Variants in ITGA9 observed in about 807,000 individuals in gnomAD.
The protein encoded by ITGA9 is integrin subunit alpha 9.
Under a neutral mutation model 127.8 loss-of-function variants are expected in ITGA9, and 56 were observed. That is an observed-to-expected ratio of 0.44 (90% CI 0.35 to 0.55). The LOEUF (loss-of-function observed/expected upper bound fraction) is 0.55, where lower values mean the gene tolerates loss of function less well. Ranked by LOEUF, ITGA9 falls within the 20% of genes least tolerant of loss-of-function variation. ITGA9 has a pLI of 0.00. For synonymous variants in ITGA9, 508 were observed against 514.5 expected (o/e 0.99, Z 0.17); for missense variants, 1,196 against 1,347.1 (o/e 0.89, Z 1.76).
intron 15 of ITGA9, among the ~76,000 whole-genome samples, chr3:37,577,606 T>G (rs1699666281): frequency 6.6e-6 from 1 of 152,244 alleles, no homozygotes; most frequent in African/African-American, 2.4e-5. Flanking sequence ...TTCTTTAATT[T>G]TGGAATAACC....
intron 15 of ITGA9, among the ~76,000 whole-genome samples, chr3:37,620,677 C>A (rs1453159676): frequency 6.6e-6 from 1 of 152,190 alleles, no homozygotes; most frequent in Non-Finnish European, 1.5e-5. Context: ...ACCTCTCTTC[C>A]TCAGATGTCT....
At chr3:37,653,664 CG>C (rs1559558963) in intron 16 of ITGA9, 49 bp from the exon 17 acceptor site, 5 of 1,315,504 alleles carry the variant, frequency 3.8e-6, no homozygotes, top group Non-Finnish European at 5.5e-6. Flanking sequence ...ACTGTGTACT[CG>C]TTTGCCACTC....
At chr3:37,501,774 A>G (rs778375073) in intron 5 of ITGA9, among the ~76,000 whole-genome samples, 2 of 152,180 alleles carry the variant, frequency 1.3e-5, no homozygotes, top group Non-Finnish European at 2.9e-5. Flanking sequence ...GTGTGAGGGC[A>G]TTGCACAGAT....
chr3:37,495,060 G>T (rs1430355817), intron 5 of ITGA9, among the ~76,000 whole-genome samples: 1 of 151,954 alleles, frequency 6.6e-6, no homozygotes, highest in African/African-American at 2.4e-5. Flanking sequence ...TGCAATCTCC[G>T]CCTCCTGGGT....
chr3:37,609,204 C>T (rs546042291), intron 15 of ITGA9, among the ~76,000 whole-genome samples: 2 of 152,260 alleles, frequency 1.3e-5, no homozygotes, highest in East Asian at 3.9e-4. Flanking sequence ...CATCTGCTGC[C>T]CCTCACACCT....
chr3:37,604,124 C>T (rs1338257909), intron 15 of ITGA9, among the ~76,000 whole-genome samples: 1 of 152,342 alleles, frequency 6.6e-6, no homozygotes. Context: ...CCAACCCCTG[C>T]TCCTCATCAC....
intron 1 of ITGA9, among the ~76,000 whole-genome samples, chr3:37,458,476 C>T (rs1698283471): frequency 1.3e-5 from 2 of 152,346 alleles, no homozygotes; most frequent in South Asian, 2.1e-4. Context: ...GCAGAAATAG[C>T]TGTCCTCTGC....
intron 1 of ITGA9, among the ~76,000 whole-genome samples, chr3:37,457,555 C>T (rs1207738030): frequency 2.0e-5 from 3 of 152,194 alleles, no homozygotes; most frequent in Non-Finnish European, 2.9e-5. Flanking sequence ...TGTCCTGTGC[C>T]AGACTCTAGG....
chr3:37,628,310 C>T lies in ITGA9; in HGVS notation c.1690-877C>T, dbSNP rs114922819. Among the ~76,000 whole-genome samples the T allele has an allele frequency of 5.6e-4, 86 of 152,218 alleles. 1 individual carries two copies. Among genetic ancestry groups the T allele is most frequent in the Admixed American group, 2.0e-3 (31 of 15,288 alleles). ...TGTCTCAGAATGTGGGACCACCTAC[C>T]AGCTTTACTCCTGCGTCTAACTCTA... On this transcript the variant is annotated intron_variant, in intron 15 of 27. Coordinates refer to ENST00000264741, the MANE Select transcript of ITGA9 (RefSeq NM_002207.3).
At position 37,646,815 on chromosome 3, in the gene ITGA9, C is replaced by T. The variant is rs189554641; in HGVS notation, c.1840-6899C>T. Among the ~76,000 whole-genome samples the T allele has an allele frequency of 3.0e-3, 462 of 152,214 alleles. 4 individuals are homozygous for T. The highest frequency in any genetic ancestry group is 0.01 in the Middle Eastern group (3 of 294). ...TGAGGCCTTTTTTTAAAGGCCCAAG[C>T]TGGAGCTATTGGGATTGTTCCCTCA... On this transcript the variant is annotated intron_variant, in intron 16 of 27. Transcript: ENST00000264741.
chr3:37,790,578 G>A (rs1404528445), intron 26 of ITGA9: 2 of 226,116 alleles, frequency 8.8e-6, no homozygotes, highest in Admixed American at 5.2e-5. Context: ...GGTACAAGTT[G>A]TGCTTTACAG....
At chr3:37,624,083 T>C (rs1700153819) in intron 15 of ITGA9, among the ~76,000 whole-genome samples, 1 of 152,058 alleles carries the variant, frequency 6.6e-6, no homozygotes, top group African/African-American at 2.4e-5. Context: ...GGCTTAATGC[T>C]AACTGCTTAT....
intron 3 of ITGA9, 41 bp from the exon 4 acceptor site, chr3:37,481,443 G>A (rs1258702621): frequency 6.2e-7 from 1 of 1,613,810 alleles, no homozygotes. Flanking sequence ...TGATCTTTTG[G>A]GGCCAACTTT....
At chr3:37,477,023 T>C (rs540254845) in intron 3 of ITGA9, among the ~76,000 whole-genome samples, 18 of 152,330 alleles carry the variant, frequency 1.2e-4, no homozygotes, top group African/African-American at 4.3e-4. Context: ...TTCTGTAAAA[T>C]GTTCCTTGGA....
At chr3:37,653,027 T>C (rs532377255) in intron 16 of ITGA9, among the ~76,000 whole-genome samples, 1 of 152,270 alleles carries the variant, frequency 6.6e-6, no homozygotes, top group East Asian at 1.9e-4. Flanking sequence ...CTGGAAATAT[T>C]TGGGTTTTGA....
intron 15 of ITGA9, among the ~76,000 whole-genome samples, chr3:37,548,306 C>T (rs1699347162): frequency 6.6e-6 from 1 of 152,072 alleles, no homozygotes; most frequent in African/African-American, 2.4e-5. Context: ...GGGGGAAGGG[C>T]TGATGATGAT....
intron 15 of ITGA9, among the ~76,000 whole-genome samples, chr3:37,628,325 G>A (rs766962104): frequency 1.1e-4 from 17 of 152,150 alleles, no homozygotes; most frequent in Non-Finnish European, 2.2e-4. Flanking sequence ...TTACTCCTGC[G>A]TCTAACTCTA....
At chr3:37,673,804 G>T (rs1178424532) in intron 17 of ITGA9, among the ~76,000 whole-genome samples, 1 of 152,142 alleles carries the variant, frequency 6.6e-6, no homozygotes, top group Non-Finnish European at 1.5e-5. Flanking sequence ...TTATTAAGTT[G>T]TCTACCTTAT....
At chr3:37,817,635 G>C (rs1039513533) in intron 27 of ITGA9, among the ~76,000 whole-genome samples, 2 of 152,184 alleles carry the variant, frequency 1.3e-5, no homozygotes, top group Non-Finnish European at 2.9e-5. Context: ...ATGCAGAGAG[G>C]AATGTCTGAC....
Sources: allele counts gnomAD v4.1 joint callset (sites outside exome capture counted in the v4.1 genomes callset), GRCh38; gene constraint gnomAD v4.1.1; transcripts MANE v1.5; gene names NCBI Gene and HGNC (gene_info 2026-07-23, HGNC 2026-07-21).